Variants in OMD observed in about 807,000 individuals in gnomAD.
OMD encodes KSPG osteomodulin.
In OMD, 19 loss-of-function variants were observed where a neutral mutation model predicts 31.2. The ratio of observed to expected loss-of-function variants is 0.61; its 90% CI spans 0.42 to 0.89. The LOEUF is 0.89. OMD is among the 40% of genes least tolerant of loss of function. The pLI is 0.00. For missense variants in OMD, 448 were observed against 490.8 expected, an observed-to-expected ratio of 0.91 and a Z score of 0.82; for synonymous variants, 155 against 166.4, an observed-to-expected ratio of 0.93 and a Z score of 0.53.
intron 1 of OMD, among the ~76,000 whole-genome samples, chr9:92,421,863 A>G (rs565766850): frequency 6.6e-6 from 1 of 152,266 alleles, no homozygotes; most frequent in East Asian, 1.9e-4. Flanking sequence ...GAGATAGGCA[A>G]TGCTGTGGGG....
At chr9:92,416,465 C>T (rs1270702762) in intron 2 of OMD, among the ~76,000 whole-genome samples, 154 bp downstream of exon 2, 1 of 152,166 alleles carries the variant, frequency 6.6e-6, no homozygotes, top group Non-Finnish European at 1.5e-5. Flanking sequence ...GAATAGCACA[C>T]ATTTCTCTGG....
In OMD at chr9:92,417,251, A is replaced by G. The variant is rs754996576; in HGVS notation, c.308T>C (p.Ile103Thr). Reference protein sequence around the residue: ...IQQLYLQFNEIEAVTANSFIN... With the variant: ...IQQLYLQFNETEAVTANSFIN... The stretch of plus-strand genomic sequence containing the variant: ...GAATGAATTTGCAGTCACAGCCTCA[A>G]TTTCATTGAACTGAAGGTAGAGTTG... The change falls in exon 2 of 3, where the codon ATT becomes ACT. Residue 103 changes from isoleucine to threonine, a missense_variant. By Grantham distance (89) the Ile-to-Thr change is moderately conservative. Coordinates refer to ENST00000375550, the MANE Select transcript of OMD (RefSeq NM_005014.3). The G allele has an allele frequency of 3.1e-6, 5 of 1,613,980 alleles. No individual in the cohort carries two copies. The highest frequency in any genetic ancestry group is 4.2e-6 in the Non-Finnish European group (5 of 1,180,008).
intron 2 of OMD, among the ~76,000 whole-genome samples, chr9:92,416,076 T>TATATATAAA: frequency 7.6e-6 from 1 of 131,074 alleles, no homozygotes; most frequent in East Asian, 2.1e-4. Context: ...ATATATTTAT[T>TATATATAAA]TATTTATTTA....
Position 92,415,463 on chromosome 9 carries a change from C to T in OMD, c.955G>A (p.Val319Met). ...NNEIEKMNLT[V>M]MCPSIDPLHY... Reference sequence around the variant, plus strand: ...AGTGGGTCAATAGAAGGACACATCACTGTAAGATTCATCTCTGAAAGAAAT... The same window carrying T: ...AGTGGGTCAATAGAAGGACACATCATTGTAAGATTCATCTCTGAAAGAAAT... The change falls in exon 3 of 3, where the codon GTG (valine) becomes ATG (methionine). Residue 319 changes from valine (V) to methionine (M), a missense_variant. Transcript: ENST00000375550. The T allele has an allele frequency of 2.5e-6, 4 of 1,584,224 alleles. No homozygotes were observed. Among genetic ancestry groups the T allele is most frequent in the Non-Finnish European group, 3.4e-6 (4 of 1,165,528 alleles).
At chr9:92,416,068 ATATT>A (rs1236767686) in intron 2 of OMD, among the ~76,000 whole-genome samples, 7 of 136,992 alleles carry the variant, frequency 5.1e-5, no homozygotes, top group African/African-American at 1.3e-4. Context: ...GTATATATAT[ATATT>A]TATTTATTTA....
chr9:92,415,465 G>A lies in OMD; in HGVS notation c.953C>T (p.Thr318Ile). The change falls in exon 3 of 3, where the codon ACA (threonine) becomes ATA (isoleucine). Residue 318 changes from threonine (T) to isoleucine (I), a missense_variant. Transcript: ENST00000375550. ...QNNEIEKMNL[T>I]VMCPSIDPLH... ...TGGGTCAATAGAAGGACACATCACT[G>A]TAAGATTCATCTCTGAAAGAAATAA... 6.3e-7 allele frequency: 1 copy of A among 1,581,898 alleles called. No individual in the cohort carries two copies. Among genetic ancestry groups the A allele is most frequent in the Non-Finnish European group, 8.6e-7 (1 of 1,163,596 alleles).
At chr9:92,418,584 A>G (rs987052058) in intron 1 of OMD, among the ~76,000 whole-genome samples, 1 of 152,142 alleles carries the variant, frequency 6.6e-6, no homozygotes, top group Admixed American at 6.6e-5. Flanking sequence ...GTTCTTTGGA[A>G]TTACCTGATC....
intron 1 of OMD, among the ~76,000 whole-genome samples, chr9:92,422,826 A>G (rs1312147146): frequency 6.6e-6 from 1 of 152,070 alleles, no homozygotes; most frequent in African/African-American, 2.4e-5. Flanking sequence ...TTCCCCAACT[A>G]ATCTCTTCTG....
Position 92,417,317 on chromosome 9 carries a change from C to G in OMD, c.242G>C (p.Arg81Pro). ...AATATTTGGGATAGTCTTGAGTTTG[C>G]GATTATCACAGTACATTGATGATGG... ...NFPSSMYCDN[R>P]KLKTIPNIPM... The change falls in exon 2 of 3, where the codon CGC (arginine) becomes CCC (proline). Residue 81 changes from arginine (R) to proline (P), a missense_variant. Arg to Pro is a moderately radical substitution (Grantham distance 103, BLOSUM62 -2). Transcript: ENST00000375550. 1 of 1,613,856 alleles carries G rather than the reference C, an allele frequency of 6.2e-7. No individual in the cohort carries two copies. Among genetic ancestry groups the G allele is most frequent in the Non-Finnish European group, 8.5e-7 (1 of 1,179,910 alleles).
rs374973890 is a variant in OMD at position 92,417,345 on chromosome 9, A to G, written c.214T>C (p.Phe72Leu). 8.4e-5 allele frequency: 135 copies of G among 1,613,932 alleles called. No individual in the cohort carries two copies. The highest frequency in any genetic ancestry group is 1.1e-4 in the Non-Finnish European group (132 of 1,179,970). Residue 72 changes from phenylalanine to leucine, a missense_variant, in exon 2 of 3, where the codon TTT becomes CTT. By Grantham distance (22) the Phe-to-Leu change is conservative. Coordinates refer to ENST00000375550, the MANE Select transcript of OMD (RefSeq NM_005014.3). ...TTATCACAGTACATTGATGATGGAA[A>G]GTTAGTTGGACAGAAGCATTCACTG... ...CVSECFCPTN[F>L]PSSMYCDNRK...
Position 92,417,048 on chromosome 9 carries a change from A to G in OMD, c.511T>C (p.Tyr171His). ...PKSLERLLLGYNEISKLQTNA... is the reference protein window; with the variant it reads ...PKSLERLLLGHNEISKLQTNA... Reference sequence around the variant, plus strand: ...GTCTGCAGTTTGGAGATTTCATTGTAACCAAGAAGGAGTCTTTCCAGAGAT... The same window carrying G: ...GTCTGCAGTTTGGAGATTTCATTGTGACCAAGAAGGAGTCTTTCCAGAGAT... Residue 171 changes from tyrosine to histidine, a missense_variant, in exon 2 of 3, where the codon TAC (tyrosine) becomes CAC (histidine). Physicochemically the swap from Tyr to His is moderately conservative, Grantham distance 83. Transcript: ENST00000375550. 6.2e-7 allele frequency: 1 copy of G among 1,614,042 alleles called. No individual in the cohort carries two copies. The highest frequency in any genetic ancestry group is 8.5e-7 in the Non-Finnish European group (1 of 1,179,996).
At chr9:92,423,816 C>T (rs1843886376) in intron 1 of OMD, among the ~76,000 whole-genome samples, 1 of 152,130 alleles carries the variant, frequency 6.6e-6, no homozygotes, top group Non-Finnish European at 1.5e-5. Flanking sequence ...ACCGGAATCA[C>T]TAGCATTGCT....
Position 92,416,058 on chromosome 9 carries a change from G to GTATA in OMD, c.940+557_940+560dup, listed in dbSNP as rs1554760078. 7.2e-3 allele frequency among the ~76,000 whole-genome samples: 948 copies of GTATA among 130,896 alleles called. 19 individuals carry two copies. Among genetic ancestry groups the GTATA allele is most frequent in the African/African-American group, 0.022 (791 of 36,356 alleles). 85.9% of individuals were successfully genotyped at this position (130,896 alleles called of 152,430 possible). A position where few individuals can be genotyped will look rare whatever the true frequency, so the allele number is the denominator to read the frequency against. ...ATAAATAAATATATTATATATGTGT[G>GTATA]TATATATATATATTTATTTATTTAT... On this transcript the variant is annotated intron_variant, in intron 2 of 2. Coordinates refer to ENST00000375550, the MANE Select transcript of OMD (RefSeq NM_005014.3).
intron 1 of OMD, among the ~76,000 whole-genome samples, chr9:92,423,299 T>C (rs1335152515): frequency 1.3e-5 from 2 of 152,164 alleles, no homozygotes; most frequent in Non-Finnish European, 2.9e-5. Flanking sequence ...GAATTTTTCA[T>C]ATTATAGCAA....
chr9:92,420,246 A>G (rs1050706489), intron 1 of OMD, among the ~76,000 whole-genome samples: 3 of 152,162 alleles, frequency 2.0e-5, no homozygotes, highest in African/African-American at 4.8e-5. Flanking sequence ...AACCTCAGCT[A>G]TATTGATTCT....
chr9:92,415,571 T>C, intron 2 of OMD, 94 bp from the exon 3 acceptor site: 1 of 506,340 alleles, frequency 2.0e-6, no homozygotes, highest in Non-Finnish European at 3.1e-6. Context: ...GTATGGGATA[T>C]AATTCTGTTA....
Position 92,415,331 on chromosome 9 carries a change from C to T in OMD, c.1087G>A (p.Gly363Ser). ...TGACCATTAGTGCTTCGTTGTTCAC[C>T]ATAATAAATAGTGTGTATATGAGGG... Reference protein sequence around the residue: ...CFPHIHTIYYGEQRSTNGQTI... With the variant: ...CFPHIHTIYYSEQRSTNGQTI... The change falls in exon 3 of 3, where the codon GGT (glycine) becomes AGT (serine). Residue 363 changes from glycine (G) to serine (S), a missense_variant. Gly to Ser is a moderately conservative substitution (Grantham distance 56, BLOSUM62 0). Transcript: ENST00000375550. The T allele has an allele frequency of 6.2e-7, 1 of 1,613,550 alleles. No individual in the cohort carries two copies. The highest frequency in any genetic ancestry group is 1.1e-5 in the South Asian group (1 of 91,062).
Position 92,415,492 on chromosome 9 carries a change from T to G in OMD, c.941-15A>C. On this transcript the variant is annotated splice_polypyrimidine_tract_variant and intron_variant, in intron 2 of 2. Coordinates refer to ENST00000375550, the MANE Select transcript of OMD (RefSeq NM_005014.3). ...AAGATTCATCTCTGAAAGAAATAAA[T>G]TAAAAATTAATCTTGTATTATAGTA... 6.8e-7 allele frequency: 1 copy of G among 1,461,920 alleles called. No individual in the cohort carries two copies. The highest frequency in any genetic ancestry group is 9.3e-7 in the Non-Finnish European group (1 of 1,078,732). 90.6% of individuals were successfully genotyped at this position (1,461,920 alleles called of 1,614,324 possible).
chr9:92,422,694 G>A (rs1367801532), intron 1 of OMD, among the ~76,000 whole-genome samples: 3 of 152,114 alleles, frequency 2.0e-5, no homozygotes, highest in Non-Finnish European at 4.4e-5. Flanking sequence ...ATTAAGTGCA[G>A]TTTTCTGTTT....
Sources: gnomAD v4.1 joint callset for allele counts (sites outside exome capture counted in the v4.1 genomes callset) on GRCh38, gnomAD v4.1.1 for gene constraint, MANE v1.5 for transcripts, NCBI Gene and HGNC (gene_info 2026-07-23, HGNC 2026-07-21) for gene names.